The following SLC6A8 variants were observed in gnomAD, a reference collection of about 807,000 sequenced individuals.
SLC6A8 encodes the protein sodium- and chloride-dependent creatine transporter 1.
In SLC6A8, 6 loss-of-function variants were observed where a neutral mutation model predicts 48.3. The observed-to-expected ratio is 0.12, with a 90% CI of 0.07 to 0.25. The LOEUF is 0.25. SLC6A8 is among the 10% of genes least tolerant of loss of function. SLC6A8 has a pLI of 1.00. For missense variants in SLC6A8, 260 were observed against 551.5 expected (o/e 0.47, Z 5.29); for synonymous variants, 245 against 244.0 (o/e 1.00, Z -0.04).
chrX:153,689,963 G>GC, intron 1 of SLC6A8, among the ~76,000 whole-genome samples: 1 of 112,734 alleles, frequency 8.9e-6, no homozygotes, highest in Non-Finnish European at 1.9e-5. Flanking sequence ...CTTTGGATGA[G>GC]CCCCCCAGGC....
intron 3 of SLC6A8, 110 bp downstream of exon 3, chrX:153,691,663 C>G (rs1289701472): frequency 1.0e-6 from 1 of 966,770 alleles, no homozygotes; most frequent in East Asian, 3.1e-5. Flanking sequence ...GCCTGGCAGT[C>G]CATCCTGGAC....
intron 1 of SLC6A8, 80 bp from the exon 2 acceptor site, chrX:153,690,295 T>G (rs1227782357): frequency 9.4e-7 from 1 of 1,067,526 alleles, no homozygotes; most frequent in Non-Finnish European, 1.3e-6. Context: ...GATGGGGCCT[T>G]TGGAGTCTGG....
intron 3 of SLC6A8, 152 bp downstream of exon 3, chrX:153,691,705 C>T (rs1484567123): frequency 3.1e-5 from 24 of 769,644 alleles, no homozygotes; most frequent in Non-Finnish European, 4.5e-5. Flanking sequence ...TCGGAGAGTC[C>T]TGGGGCCAGC....
chrX:153,696,255 C>T lies in SLC6A8; in HGVS notation c.*1041C>T, dbSNP rs535545434. ...TGTGGGGCAAGAGGCTGCAATATTC[C>T]GTCCTGGGTGTCTGGGCTGCTAACC... On this transcript the variant is annotated 3_prime_UTR_variant, in exon 13 of 13. Coordinates refer to ENST00000253122, the MANE Select transcript of SLC6A8 (RefSeq NM_005629.4). 214 of 289,376 alleles carry T rather than the reference C, an allele frequency of 7.4e-4. No individual in the cohort carries two copies. In the Middle Eastern group the frequency reaches 0.01, roughly 14 times the overall value. The allele number at this position is 289,376 out of a possible 1,213,427, so 23.8% of individuals were successfully genotyped here.
chrX:153,695,963 T>C lies in SLC6A8; in HGVS notation c.*749T>C, dbSNP rs1414149940. The C allele has an allele frequency of 8.0e-6, 1 of 124,936 alleles. No individual in the cohort carries two copies. The highest frequency in any genetic ancestry group is 1.6e-5 in the Non-Finnish European group (1 of 61,067). 10.3% of individuals were successfully genotyped at this position (124,936 alleles called of 1,213,427 possible). ...AACTTGAGAGAATGAGATTTCTGCT[T>C]GTATATTTCTAAAAAGAGGAAGGAG... On this transcript the variant is annotated 3_prime_UTR_variant, in exon 13 of 13. Coordinates refer to ENST00000253122, the MANE Select transcript of SLC6A8 (RefSeq NM_005629.4).
In SLC6A8 at chrX:153,695,167, C is replaced by A. The variant is rs782388832; in HGVS notation, c.1861C>A (p.Pro621Thr). ...ADVRGLTTLT[P>T]VSESSKVVVV... ...TGTCAGGGGCCTGACCACCCTGACC[C>A]CAGTGTCCGAGAGCAGCAAGGTCGT... The change falls in exon 13 of 13, where the codon CCA (proline) becomes ACA (threonine). Residue 621 changes from proline to threonine, a missense_variant. By Grantham distance (38) the Pro-to-Thr change is conservative. Coordinates refer to ENST00000253122, the MANE Select transcript of SLC6A8 (RefSeq NM_005629.4). The A allele has an allele frequency of 3.3e-6, 4 of 1,194,648 alleles. No homozygotes were observed. The highest frequency in any genetic ancestry group is 6.1e-5 in the East Asian group (2 of 32,985).
At chrX:153,690,903 CCA>C (rs1491432207) in intron 2 of SLC6A8, 132 of 229,163 alleles carry the variant, frequency 5.8e-4, no homozygotes, top group African/African-American at 3.1e-3. Flanking sequence ...CCCCCCCCCC[CCA>C]CCACCACCAT....
chrX:153,691,408 C>T lies in SLC6A8; in HGVS notation c.499C>T (p.Leu167=). The part of the protein sequence containing the change: ...YYLVKSFTTT[L]PWATCGHTWN... ...CCTGGTCAAGTCCTTTACCACCACG[C>T]TGCCCTGGGCCACATGTGGCCACAC... The change falls in exon 3 of 13, where the codon CTG becomes TTG. Residue 167 remains leucine (L), a synonymous_variant. Transcript: ENST00000253122. 8.3e-7 allele frequency: 1 copy of T among 1,211,245 alleles called. No homozygotes were observed. Among genetic ancestry groups the T allele is most frequent in the Non-Finnish European group, 1.1e-6 (1 of 894,714 alleles).
chrX:153,688,885 C>T, intron 1 of SLC6A8, 49 bp downstream of exon 1: 5 of 834,209 alleles, frequency 6.0e-6, no homozygotes, highest in Non-Finnish European at 7.9e-6. Context: ...GGCCGCCGGC[C>T]CCCGCCCGAC....
Position 153,695,568 on chromosome X carries a change from G to A in SLC6A8, c.*354G>A, listed in dbSNP as rs1405136958. 3.9e-6 allele frequency: 1 copy of A among 257,399 alleles called. No homozygotes were observed. Among genetic ancestry groups the A allele is most frequent in the Non-Finnish European group, 7.0e-6 (1 of 143,795 alleles). 21.2% of individuals were successfully genotyped at this position (257,399 alleles called of 1,213,427 possible). A position where few individuals can be genotyped will look rare whatever the true frequency, so the allele number is the denominator to read the frequency against. Reference sequence around the variant, plus strand: ...GCTCTGCTCTGCAGCACACCCGTGGGTGACCCCTCACCCCAGAAGCAGCAG... The same window carrying A: ...GCTCTGCTCTGCAGCACACCCGTGGATGACCCCTCACCCCAGAAGCAGCAG... On this transcript the variant is annotated 3_prime_UTR_variant, in exon 13 of 13. Coordinates refer to ENST00000253122, the MANE Select transcript of SLC6A8 (RefSeq NM_005629.4).
chrX:153,692,536 G>A (rs1569539313), intron 4 of SLC6A8: 2 of 339,624 alleles, frequency 5.9e-6, no homozygotes, highest in Admixed American at 6.1e-5. Context: ...CTCCCTGGGG[G>A]ACAAGGTCCC....
At chrX:153,691,175 G>A in intron 2 of SLC6A8, 129 bp from the exon 3 acceptor site, 1 of 763,052 alleles carries the variant, frequency 1.3e-6, no homozygotes. Flanking sequence ...AGGGGAGTCA[G>A]GAGCACCACA....
chrX:153,694,053 G>C (rs1557045347), intron 8 of SLC6A8, 36 bp downstream of exon 8: 10 of 1,188,998 alleles, frequency 8.4e-6, no homozygotes, highest in Admixed American at 2.2e-5. Flanking sequence ...AGCCAGGAGG[G>C]GGGCGGAGGG....
At chrX:153,689,041 TG>T (rs1342779509) in intron 1 of SLC6A8, 1 of 130,732 alleles carries the variant, frequency 7.6e-6, no homozygotes, top group Non-Finnish European at 1.5e-5. Context: ...CCTGGCATGG[TG>T]GGGGGAGGGG....
chrX:153,688,539 C>G lies in SLC6A8; in HGVS notation c.-36C>G. 1.2e-6 allele frequency: 1 copy of G among 803,267 alleles called. No individual in the cohort carries two copies. Among genetic ancestry groups the G allele is most frequent in the South Asian group, 4.5e-5 (1 of 22,021 alleles). 66.2% of individuals were successfully genotyped at this position (803,267 alleles called of 1,213,427 possible). A position where few individuals can be genotyped will look rare whatever the true frequency, so the allele number is the denominator to read the frequency against. ...CTGACCGCCGCCCCCCGTGAGGCGC[C>G]GCGACCCCGGCCCGGCCGTGCGGCC... On this transcript the variant is annotated 5_prime_UTR_variant, in exon 1 of 13. Coordinates refer to ENST00000253122, the MANE Select transcript of SLC6A8 (RefSeq NM_005629.4).
At position 153,688,559 on chromosome X, in the gene SLC6A8, GC is replaced by G; in HGVS notation, c.-15del. The G allele has an allele frequency of 1.0e-6, 1 of 966,542 alleles. No individual in the cohort carries two copies. The highest frequency in any genetic ancestry group is 4.3e-4 in the Middle Eastern group (1 of 2,317). 79.7% of individuals were successfully genotyped at this position (966,542 alleles called of 1,213,427 possible). On this transcript the variant is annotated 5_prime_UTR_variant, in exon 1 of 13. Coordinates refer to ENST00000253122, the MANE Select transcript of SLC6A8 (RefSeq NM_005629.4). ...GGCGCCGCGACCCCGGCCCGGCCGT[GC>G]GGCCCGCCGAGGCCATGGCGAAGAA...
In SLC6A8 at chrX:153,688,270, A is replaced by AGCC. The variant is rs1164834214; in HGVS notation, c.-283_-281dup. On this transcript the variant is annotated 5_prime_UTR_variant, in exon 1 of 13. Coordinates refer to ENST00000253122, the MANE Select transcript of SLC6A8 (RefSeq NM_005629.4). ...CCGAGCCGCGGGCAGGAGCCTCGGG[A>AGCC]GCCGCCGCCGCCGCCGCCGCCGCCC... The AGCC allele has an allele frequency of 1.8e-4, 17 of 94,654 alleles. No individual in the cohort carries two copies. The highest frequency in any genetic ancestry group is 7.4e-4 in the South Asian group (2 of 2,700). The allele number at this position is 94,654 out of a possible 1,213,427, so 7.8% of individuals were successfully genotyped here.
At chrX:153,694,988 A>C in intron 12 of SLC6A8, 86 bp from the exon 13 acceptor site, 1 of 1,116,978 alleles carries the variant, frequency 9.0e-7, no homozygotes, top group Non-Finnish European at 1.2e-6. Context: ...GGTGGCAGGC[A>C]GTGGGAACCG....
chrX:153,692,288 C>G (rs1557044633), intron 4 of SLC6A8, 181 bp downstream of exon 4: 1 of 526,063 alleles, frequency 1.9e-6, no homozygotes, highest in Non-Finnish European at 3.4e-6. Flanking sequence ...GCCTTTGCTC[C>G]TGGGGATAGA....
Sources: gnomAD v4.1 joint callset for allele counts (sites outside exome capture counted in the v4.1 genomes callset) on GRCh38, gnomAD v4.1.1 for gene constraint, MANE v1.5 for transcripts, NCBI Gene and HGNC (gene_info 2026-07-23, HGNC 2026-07-21) for gene names.